Variants in CDKL2 observed in about 807,000 individuals in gnomAD.
CDKL2 encodes the protein cyclin dependent kinase like 2, also known as cyclin-dependent kinase-like 2.
CDKL2 carries 64 observed loss-of-function variants against 63.9 expected under a neutral mutation model. The observed-to-expected ratio is 1.00, with a 90% CI of 0.82 to 1.23. The LOEUF is 1.23. Ranked by LOEUF, CDKL2 falls within the 50% of genes most tolerant of loss-of-function variation. The probability of loss-of-function intolerance (pLI) is 0.00; values close to 1 mark genes in which losing one functional copy is unlikely to be tolerated. For missense variants in CDKL2, 656 were observed against 668.0 expected (o/e 0.98, Z 0.20); for synonymous variants, 211 against 229.2 (o/e 0.92, Z 0.72).
At chr4:75,597,941 G>A (rs1388417346) in intron 8 of CDKL2, 136 bp downstream of exon 8, 1 of 545,794 alleles carries the variant, frequency 1.8e-6, no homozygotes, top group Non-Finnish European at 3.2e-6. Context: ...CTACTGAGAA[G>A]ATACATTTTT....
Position 75,595,203 on chromosome 4 carries a change from CTT to C in CDKL2, c.1416+1042_1416+1043del, listed in dbSNP as rs71203830. On this transcript the variant is annotated intron_variant, in intron 10 of 13. Coordinates refer to ENST00000307465, the MANE Select transcript of CDKL2 (RefSeq NM_001330724.2). ...AAATAAATAGAATCGTTTCTTTCTTCTTTTTTTTTTTTTTTTGAGACAGGGTC... is the reference window on the plus strand; with the variant it reads ...AAATAAATAGAATCGTTTCTTTCTTCTTTTTTTTTTTTTTGAGACAGGGTC... Among the ~76,000 whole-genome samples, 309 of 135,236 alleles carry C rather than the reference CTT, an allele frequency of 2.3e-3. 1 individual carries two copies. Among genetic ancestry groups the C allele is most frequent in the African/African-American group, 5.8e-3 (215 of 37,072 alleles). 88.7% of individuals were successfully genotyped at this position (135,236 alleles called of 152,430 possible).
At position 75,625,964 on chromosome 4, in the gene CDKL2, A is replaced by G; in HGVS notation, c.25T>C (p.Leu9=). The G allele has an allele frequency of 6.8e-6, 11 of 1,607,456 alleles. No homozygotes were observed. The highest frequency in any genetic ancestry group is 1.7e-5 in the Admixed American group (1 of 58,598). The change falls in exon 2 of 14, where the codon TTG becomes CTG. Residue 9 remains leucine (L), a synonymous_variant. Coordinates refer to ENST00000307465, the MANE Select transcript of CDKL2 (RefSeq NM_001330724.2). MEKYENLG[L]VGEGSYGMVM... ...ATTCCATAACTCCCTTCTCCAACCA[A>G]ACCCAGGTTTTCATATTTTTCCATT...
chr4:75,621,311 A>T (rs74834199), intron 2 of CDKL2, among the ~76,000 whole-genome samples: 59 of 147,238 alleles, frequency 4.0e-4, no homozygotes, highest in African/African-American at 1.3e-3. Flanking sequence ...AAAAAAAAAA[A>T]CCCACACCTA....
At chr4:75,623,420 A>C (rs1578355146) in intron 2 of CDKL2, among the ~76,000 whole-genome samples, 1 of 152,358 alleles carries the variant, frequency 6.6e-6, no homozygotes, top group Non-Finnish European at 1.5e-5. Flanking sequence ...GTGGGGAAAA[A>C]GATGGTATTT....
intron 3 of CDKL2, among the ~76,000 whole-genome samples, chr4:75,607,681 A>G (rs1402189171): frequency 1.3e-5 from 2 of 152,200 alleles, no homozygotes; most frequent in Non-Finnish European, 2.9e-5. Context: ...AATTTTTATG[A>G]AAGGGGTGGG....
intron 2 of CDKL2, among the ~76,000 whole-genome samples, chr4:75,623,744 T>C (rs539439196): frequency 6.6e-6 from 1 of 152,268 alleles, no homozygotes; most frequent in South Asian, 2.1e-4. Context: ...GTAAATGGAA[T>C]AAATGCTCCA....
rs929772941 is a variant in CDKL2, at chr4:75,608,271, C to T, written c.364-910G>A. 6.6e-5 allele frequency among the ~76,000 whole-genome samples: 10 copies of T among 151,686 alleles called. 1 individual carries two copies. Among genetic ancestry groups the T allele is most frequent in the Admixed American group, 3.3e-4 (5 of 15,200 alleles). ...TCCCGAGTAGCTGAGATTACAGGCG[C>T]CTGCCACCATGCCCAACTAATTTTT... On this transcript the variant is annotated intron_variant, in intron 3 of 13. Coordinates refer to ENST00000307465, the MANE Select transcript of CDKL2 (RefSeq NM_001330724.2).
chr4:75,621,656 C>T (rs1396235431), intron 2 of CDKL2, among the ~76,000 whole-genome samples: 1 of 152,134 alleles, frequency 6.6e-6, no homozygotes, highest in Admixed American at 6.6e-5. Context: ...CCACCTCAGC[C>T]TCCTGAATAG....
intron 3 of CDKL2, among the ~76,000 whole-genome samples, chr4:75,608,122 C>CTTT (rs34604898): frequency 0.012 from 1,048 of 88,102 alleles, 45 homozygotes; most frequent in Middle Eastern, 0.033. Flanking sequence ...GGCCAAAAAC[C>CTTT]TTTTTTTTTT....
intron 9 of CDKL2, 93 bp downstream of exon 9, chr4:75,596,842 G>T: frequency 9.2e-7 from 1 of 1,092,332 alleles, no homozygotes. Context: ...CCAGAATTCT[G>T]AGAATAAAAA....
Position 75,613,949 on chromosome 4 carries a change from C to T in CDKL2, c.363+306G>A, listed in dbSNP as rs562749525. 4.1e-4 allele frequency among the ~76,000 whole-genome samples: 62 copies of T among 152,196 alleles called. No individual in the cohort carries two copies. The South Asian group carries it at 0.012, about 31-fold the overall frequency. On this transcript the variant is annotated intron_variant, in intron 3 of 13. Coordinates refer to ENST00000307465, the MANE Select transcript of CDKL2 (RefSeq NM_001330724.2). ...GTGCATGCCTGTAATCCCAGCTACT[C>T]AGGAGGCTGAGGCAAGAGAATCACT... is the stretch of plus-strand genomic sequence containing the variant.
chr4:75,616,610 G>A, intron 2 of CDKL2, among the ~76,000 whole-genome samples: 1 of 148,958 alleles, frequency 6.7e-6, no homozygotes, highest in East Asian at 2.0e-4. Flanking sequence ...TGAGGCAGGA[G>A]AATCGCTTGA....
intron 12 of CDKL2, among the ~76,000 whole-genome samples, chr4:75,590,094 G>A (rs1292457897): frequency 1.3e-5 from 2 of 152,172 alleles, no homozygotes; most frequent in Non-Finnish European, 2.9e-5. Context: ...CTAAGCCCAG[G>A]GGATCAAGGC....
At chr4:75,589,179 A>T (rs924810067) in intron 12 of CDKL2, among the ~76,000 whole-genome samples, 10 of 152,194 alleles carry the variant, frequency 6.6e-5, no homozygotes, top group Non-Finnish European at 1.0e-4. Context: ...ACCTATTAGA[A>T]AGGCTAAAAT....
At chr4:75,582,463 G>A (rs1013025705) in intron 12 of CDKL2, among the ~76,000 whole-genome samples, 4 of 152,164 alleles carry the variant, frequency 2.6e-5, no homozygotes, top group Non-Finnish European at 1.5e-5. Flanking sequence ...CTTGAGGATA[G>A]ATGAATAGAA....
At chr4:75,606,086 G>A (rs756524441) in intron 4 of CDKL2, among the ~76,000 whole-genome samples, 16 of 152,078 alleles carry the variant, frequency 1.1e-4, no homozygotes, top group Admixed American at 2.0e-4. Context: ...CTTTGTTTAC[G>A]CATAACTCTA....
chr4:75,610,534 A>C (rs1453502414), intron 3 of CDKL2, among the ~76,000 whole-genome samples: 1 of 152,142 alleles, frequency 6.6e-6, no homozygotes, highest in Non-Finnish European at 1.5e-5. Context: ...GATATAACCT[A>C]AATAAATTAT....
In CDKL2 at chr4:75,598,149, T is replaced by A; in HGVS notation, c.948A>T (p.Lys316Asn). The change falls in exon 8 of 14, where the codon AAA becomes AAT. Residue 316 changes from lysine to asparagine, a missense_variant. By Grantham distance (94) the Lys-to-Asn change is moderately conservative (BLOSUM62 0). Transcript: ENST00000307465. ...CTTTTTCCTTCTTTCTGTTTTGGGA[T>A]TTTTTAGATAAAGAAACATTTCTGG... ...KDARNVSLSK[K>N]SQNRKKEKEK... 1 of 1,548,556 alleles carries A rather than the reference T, an allele frequency of 6.5e-7. No homozygotes were observed. Among genetic ancestry groups the A allele is most frequent in the Non-Finnish European group, 8.8e-7 (1 of 1,134,280 alleles).
intron 10 of CDKL2, among the ~76,000 whole-genome samples, chr4:75,595,476 A>C (rs934543460): frequency 3.9e-5 from 6 of 152,066 alleles, no homozygotes; most frequent in Non-Finnish European, 5.9e-5. Context: ...CGGCCTCCCA[A>C]AGTGCTGGGA....
Sources: gnomAD v4.1 joint callset for allele counts (sites outside exome capture counted in the v4.1 genomes callset) on GRCh38, gnomAD v4.1.1 for gene constraint, MANE v1.5 for transcripts, NCBI Gene and HGNC (gene_info 2026-07-23, HGNC 2026-07-21) for gene names.